GTF3C2: variants seen among roughly 807,000 people sequenced by gnomAD.
GTF3C2 encodes general transcription factor IIIC subunit 2, also known as general transcription factor 3C polypeptide 2.
GTF3C2 carries 17 observed loss-of-function variants against 117.4 expected under a neutral mutation model. The ratio of observed to expected loss-of-function variants is 0.14; its 90% CI spans 0.10 to 0.22. The LOEUF is 0.22. Among genes scored for constraint, GTF3C2 ranks in the 10% least tolerant of loss-of-function variants. GTF3C2 has a pLI of 1.00. For synonymous variants in GTF3C2, 437 were observed against 427.0 expected (o/e 1.02, Z -0.29); for missense variants, 888 against 1,143.6 (o/e 0.78, Z 3.22).
intron 1 of GTF3C2, among the ~76,000 whole-genome samples, chr2:27,345,737 G>A (rs1395022111): frequency 6.7e-6 from 1 of 150,108 alleles, no homozygotes; most frequent in African/African-American, 2.5e-5. Flanking sequence ...TTTTGAGATG[G>A]AGTTTCACTA....
rs190249390 is a variant in GTF3C2 at position 27,348,022 on chromosome 2, G to A, written c.-24-4444C>T. 8.2e-3 allele frequency among the ~76,000 whole-genome samples: 1,248 copies of A among 152,262 alleles called. 22 individuals carry two copies. Among genetic ancestry groups the A allele is most frequent in the Non-Finnish European group, 8.9e-3 (605 of 68,026 alleles). ...GCAGTGGCTCACGCCTGTAATCCCA[G>A]CACTTTAGGAGGCCCGGACGGGCCA... On this transcript the variant is annotated intron_variant, in intron 1 of 18. Transcript: ENST00000264720.
intron 14 of GTF3C2, 22 bp from the exon 15 acceptor site, chr2:27,328,953 TA>T: frequency 6.5e-7 from 1 of 1,542,106 alleles, no homozygotes; most frequent in Non-Finnish European, 8.9e-7. Context: ...GAAATAAATT[TA>T]AACCTTCCTT....
chr2:27,326,624 G>A (rs1680080394), exon 19 of GTF3C2: 2 of 1,342,414 alleles, frequency 1.5e-6, no homozygotes, highest in African/African-American at 1.4e-5. Context: ...TGTGCATAGG[G>A]GCCATTTGTT....
chr2:27,337,615 A>T (rs1180658832), intron 5 of GTF3C2, 57 bp from the exon 6 acceptor site: 1 of 1,169,454 alleles, frequency 8.6e-7, no homozygotes, highest in Non-Finnish European at 1.3e-6. Context: ...CGCACAGTCC[A>T]ATAAAACTTT....
At chr2:27,335,243 G>A in intron 10 of GTF3C2, 1 of 492,210 alleles carries the variant, frequency 2.0e-6, no homozygotes, top group Non-Finnish European at 4.1e-6. Context: ...CTAAGAACAG[G>A]ATTGGGGGAA....
chr2:27,338,532 GTTTT>G (rs1011734646), intron 4 of GTF3C2, among the ~76,000 whole-genome samples: 1 of 151,888 alleles, frequency 6.6e-6, no homozygotes, highest in South Asian at 2.1e-4. Flanking sequence ...CTGTCTTTTT[GTTTT>G]TTTGTTGTTT....
At chr2:27,343,857 G>C (rs1345892656) in intron 1 of GTF3C2, among the ~76,000 whole-genome samples, 3 of 151,672 alleles carry the variant, frequency 2.0e-5, no homozygotes, top group Non-Finnish European at 4.4e-5. Context: ...GCTAGCCTGG[G>C]CAACACAGCA....
intron 1 of GTF3C2, among the ~76,000 whole-genome samples, chr2:27,352,951 T>G (rs1175530342): frequency 2.0e-5 from 3 of 152,242 alleles, no homozygotes; most frequent in African/African-American, 7.2e-5. Flanking sequence ...TTTTTTACAG[T>G]TGTCTCATTC....
At chr2:27,326,732 G>A (rs953343182) in exon 19 of GTF3C2, 3 of 1,614,150 alleles carry the variant, frequency 1.9e-6, no homozygotes, top group East Asian at 2.2e-5. Context: ...GTCTAGTGGG[G>A]GAGGATGGTT....
At chr2:27,347,253 G>A (rs1300115728) in intron 1 of GTF3C2, among the ~76,000 whole-genome samples, 4 of 152,052 alleles carry the variant, frequency 2.6e-5, no homozygotes, top group Admixed American at 6.6e-5. Context: ...CTATATATAC[G>A]CCTTAAGAAT....
intron 12 of GTF3C2, among the ~76,000 whole-genome samples, chr2:27,332,422 G>GT (rs201422768): frequency 0.015 from 2,223 of 148,198 alleles, 67 homozygotes; most frequent in African/African-American, 0.049. Flanking sequence ...ATTATTTTTA[G>GT]TTTTTTTTTT....
chr2:27,342,144 C>G (rs1421417858), exon 4 of GTF3C2: 1 of 1,614,134 alleles, frequency 6.2e-7, no homozygotes. Context: ...TTTGGTGGGG[C>G]TGCTCACCTT....
chr2:27,348,301 T>C (rs1025130506), intron 1 of GTF3C2, among the ~76,000 whole-genome samples: 2 of 145,314 alleles, frequency 1.4e-5, no homozygotes, highest in Admixed American at 1.4e-4. Context: ...CTGGGCATGG[T>C]GGGCAGCAGG....
intron 12 of GTF3C2, among the ~76,000 whole-genome samples, chr2:27,333,157 TC>T (rs1680338949): frequency 1.4e-5 from 2 of 145,846 alleles, no homozygotes; most frequent in Non-Finnish European, 3.0e-5. Context: ...CGGCATCTAC[TC>T]TTTTTTTTTT....
chr2:27,326,564 C>CAGGCCTGGACCTTT, exon 19 of GTF3C2: 1 of 771,048 alleles, frequency 1.3e-6, no homozygotes, highest in Non-Finnish European at 2.2e-6. Context: ...CCTAAAGGTC[C>CAGGCCTGGACCTTT]AGGCCTGGCA....
At chr2:27,332,289 G>T (rs979885590) in intron 12 of GTF3C2, among the ~76,000 whole-genome samples, 11 of 152,058 alleles carry the variant, frequency 7.2e-5, no homozygotes, top group Admixed American at 3.3e-4. Context: ...GGGATTACAG[G>T]TGTGAGCCAC....
At chr2:27,341,771 C>G in intron 4 of GTF3C2, 177 bp downstream of exon 4, 1 of 593,232 alleles carries the variant, frequency 1.7e-6, no homozygotes. Context: ...GTTTACCATA[C>G]CCCTTCTTCT....
In GTF3C2 at chr2:27,328,454, G is replaced by A. The variant is rs1680164259; in HGVS notation, c.2256+14C>T. ...TAGGATCCAACAGCTGCTGTTAGAT[G>A]TTCGTATACGTACAAATCTTCGCTC... On this transcript the variant is annotated intron_variant, in intron 16 of 18. Coordinates refer to ENST00000264720, the Ensembl canonical transcript of GTF3C2. 1 of 1,613,644 alleles carries A rather than the reference G, an allele frequency of 6.2e-7. No homozygotes were observed. The highest frequency in any genetic ancestry group is 1.3e-5 in the African/African-American group (1 of 74,904).
chr2:27,342,357 T>C (rs1680766307), intron 3 of GTF3C2, 124 bp from the exon 4 acceptor site: 1 of 744,068 alleles, frequency 1.3e-6, no homozygotes, highest in South Asian at 2.2e-5. Context: ...ATTAACTCTA[T>C]TAATTTCCCC....
Sources: allele counts gnomAD v4.1 joint callset (sites outside exome capture counted in the v4.1 genomes callset), GRCh38; gene constraint gnomAD v4.1.1; transcripts MANE v1.5; gene names NCBI Gene and HGNC (gene_info 2026-07-23, HGNC 2026-07-21).